Variants in ERC2 observed in about 807,000 individuals in gnomAD.
ERC2 encodes ELKS/RAB6-interacting/CAST family member 2, also known as ERC protein 2.
A neutral mutation model predicts 114.8 loss-of-function variants in ERC2; 42 were observed. The observed-to-expected ratio is 0.37, with a 90% CI of 0.29 to 0.47. The LOEUF is 0.47. Ranked by LOEUF, ERC2 falls within the 20% of genes least tolerant of loss-of-function variation. The pLI is 0.99. For missense variants in ERC2, 939 were observed against 1,150.7 expected (o/e 0.82, Z 2.66); for synonymous variants, 454 against 425.5 (o/e 1.07, Z -0.82).
chr3:56,250,660 T>C (rs2052082451), intron 3 of ERC2, among the ~76,000 whole-genome samples: 1 of 152,120 alleles, frequency 6.6e-6, no homozygotes, highest in Admixed American at 6.5e-5. Context: ...GCCCCCTCAT[T>C]ATATATTTTA....
chr3:55,949,928 A>G (rs2067385092), intron 13 of ERC2, among the ~76,000 whole-genome samples: 1 of 152,198 alleles, frequency 6.6e-6, no homozygotes, highest in Non-Finnish European at 1.5e-5. Context: ...ATTGAAAGAT[A>G]ACTATATTCA....
At chr3:55,877,980 G>C (rs752622115) in intron 14 of ERC2, among the ~76,000 whole-genome samples, 6 of 152,044 alleles carry the variant, frequency 3.9e-5, no homozygotes, top group Non-Finnish European at 7.4e-5. Context: ...TGGAAGAAAG[G>C]GCCAAGACTG....
At chr3:55,868,330 G>A (rs2062420678) in intron 14 of ERC2, among the ~76,000 whole-genome samples, 2 of 152,166 alleles carry the variant, frequency 1.3e-5, no homozygotes. Context: ...TAAAAAGTGG[G>A]AAAATCCACT....
intron 1 of ERC2, among the ~76,000 whole-genome samples, chr3:56,443,161 G>C (rs543932208): frequency 6.6e-6 from 1 of 152,278 alleles, no homozygotes; most frequent in East Asian, 1.9e-4. Flanking sequence ...AGGAATACAA[G>C]TCAGCCATTG....
At chr3:55,545,459 G>A (rs1232178103) in intron 17 of ERC2, among the ~76,000 whole-genome samples, 12 of 152,212 alleles carry the variant, frequency 7.9e-5, no homozygotes, top group African/African-American at 2.2e-4. Context: ...GTCGGATCAC[G>A]TGGGAATGCA....
At position 56,144,239 on chromosome 3, in the gene ERC2, T is replaced by C. The variant is rs115526165; in HGVS notation, c.1306-4563A>G. On this transcript the variant is annotated intron_variant, in intron 5 of 17. Transcript: ENST00000288221. ...TGAATCATGAGTGTGTGGTCATTTT[T>C]ATGTGGAACAAAAGTAAGAAGTTCT... is the stretch of plus-strand genomic sequence containing the variant. Among the ~76,000 whole-genome samples, 618 of 152,358 alleles carry C rather than the reference T, an allele frequency of 4.1e-3. 4 individuals carry two copies. Among genetic ancestry groups the C allele is most frequent in the Non-Finnish European group, 5.9e-3 (404 of 68,026 alleles).
At chr3:55,642,295 C>G (rs12636171) in intron 17 of ERC2, among the ~76,000 whole-genome samples, 13,805 of 151,862 alleles carry the variant, frequency 0.091, 959 homozygotes, top group East Asian at 0.39. Context: ...CTCTCTGGCT[C>G]CTACGCTTTC....
intron 13 of ERC2, among the ~76,000 whole-genome samples, chr3:55,904,249 T>A (rs145063933): frequency 2.4e-4 from 36 of 152,268 alleles, no homozygotes; most frequent in African/African-American, 7.9e-4. Flanking sequence ...TGGATACAGA[T>A]CATATTTTAA....
chr3:56,400,038 T>C (rs2060464053), intron 2 of ERC2, among the ~76,000 whole-genome samples: 1 of 152,042 alleles, frequency 6.6e-6, no homozygotes. Flanking sequence ...AAAAAAACTA[T>C]AGCACTTATG....
At chr3:55,772,414 A>G (rs918916462) in intron 14 of ERC2, among the ~76,000 whole-genome samples, 2 of 151,964 alleles carry the variant, frequency 1.3e-5, no homozygotes, top group Non-Finnish European at 2.9e-5. Context: ...TCCCGGGTTC[A>G]TGCCATTCTC....
At chr3:56,353,363 T>C (rs1328363830) in intron 2 of ERC2, among the ~76,000 whole-genome samples, 2 of 151,876 alleles carry the variant, frequency 1.3e-5, no homozygotes, top group African/African-American at 2.4e-5. Context: ...CTTCGAGAAT[T>C]TGAGTGTCAG....
At chr3:55,770,797 G>T (rs112998357) in intron 14 of ERC2, among the ~76,000 whole-genome samples, 11,821 of 144,426 alleles carry the variant, frequency 0.082, 843 homozygotes, top group African/African-American at 0.19. Flanking sequence ...CCCTCCCCTT[G>T]CCCCCCACCC....
intron 14 of ERC2, among the ~76,000 whole-genome samples, chr3:55,883,539 T>TACACACACAC (rs34468467): frequency 1.4e-5 from 2 of 143,970 alleles, no homozygotes; most frequent in South Asian, 2.2e-4. Flanking sequence ...TAATTAAACA[T>TACACACACAC]ACACACACAC....
intron 17 of ERC2, among the ~76,000 whole-genome samples, chr3:55,614,777 C>T (rs74454721): frequency 0.013 from 1,928 of 152,144 alleles, 39 homozygotes; most frequent in African/African-American, 0.044. Flanking sequence ...AAAGACTGAG[C>T]GGGGAAAAAA....
At chr3:56,178,748 GTTTTTTTTTAAATTCCAGA>G (rs374656077) in intron 3 of ERC2, among the ~76,000 whole-genome samples, 2 of 151,186 alleles carry the variant, frequency 1.3e-5, no homozygotes, top group African/African-American at 4.9e-5. Flanking sequence ...ATAGTTGTTT[GTTTTTTTTTAAATTCCAGA>G]TTCCAGTGGA....
intron 2 of ERC2, among the ~76,000 whole-genome samples, chr3:56,316,735 G>C (rs1481260505): frequency 6.6e-6 from 1 of 152,170 alleles, no homozygotes; most frequent in Non-Finnish European, 1.5e-5. Flanking sequence ...AACTTATTCA[G>C]TGAATTCCAG....
chr3:55,562,558 A>G (rs2056095882), intron 17 of ERC2, among the ~76,000 whole-genome samples: 1 of 152,212 alleles, frequency 6.6e-6, no homozygotes, highest in African/African-American at 2.4e-5. Context: ...TGAGTCTGGG[A>G]TGCCATATAA....
chr3:56,002,757 G>T lies in ERC2; in HGVS notation c.2061+4424C>A, dbSNP rs28448651. Among the ~76,000 whole-genome samples, 5 of 152,178 alleles carry T rather than the reference G, an allele frequency of 3.3e-5. 1 individual carries two copies. The South Asian group carries it at 6.2e-4, about 19-fold the overall frequency. Reference sequence around the variant, plus strand: ...AATTGTTTGCTATTTTACAAATGTTGTTATCCCTTTCGGCCTAGATATGCT... The same window carrying T: ...AATTGTTTGCTATTTTACAAATGTTTTTATCCCTTTCGGCCTAGATATGCT... On this transcript the variant is annotated intron_variant, in intron 10 of 17. Coordinates refer to ENST00000288221, the MANE Select transcript of ERC2 (RefSeq NM_015576.3).
intron 17 of ERC2, among the ~76,000 whole-genome samples, chr3:55,522,194 T>G (rs1229184540): frequency 6.6e-6 from 1 of 152,106 alleles, no homozygotes; most frequent in Admixed American, 6.5e-5. Flanking sequence ...TAGTCTTCTC[T>G]GGGGGGAGGG....
Sources: allele counts gnomAD v4.1 joint callset (sites outside exome capture counted in the v4.1 genomes callset), GRCh38; gene constraint gnomAD v4.1.1; transcripts MANE v1.5; gene names NCBI Gene and HGNC (gene_info 2026-07-23, HGNC 2026-07-21).